Variants in JAKMIP3 observed in about 807,000 individuals in gnomAD.
The protein encoded by JAKMIP3 is Janus kinase and microtubule interacting protein 3, also known as janus kinase and microtubule-interacting protein 3.
Under a neutral mutation model 118.5 loss-of-function variants are expected in JAKMIP3, and 58 were observed. That is an observed-to-expected ratio of 0.49 (90% CI 0.40 to 0.61). The LOEUF is 0.61. JAKMIP3 is among the 20% of genes least tolerant of loss of function. The pLI, the probability that JAKMIP3 is intolerant of heterozygous loss-of-function variation, is 0.00. For missense variants in JAKMIP3, 950 were observed against 1,109.0 expected, an observed-to-expected ratio of 0.86 and a Z score of 2.04; for synonymous variants, 486 against 451.2, an observed-to-expected ratio of 1.08 and a Z score of -0.98.
In JAKMIP3 at chr10:132,118,918, GGCT is replaced by G. The variant is rs2048137652; in HGVS notation, c.633+1347_633+1349del. Among the ~76,000 whole-genome samples the G allele has an allele frequency of 6.6e-6, 1 of 152,182 alleles. No individual in the cohort carries two copies. The highest frequency in any genetic ancestry group is 1.5e-5 in the Non-Finnish European group (1 of 68,036). ...TCCCGGGAAGGTGGGAGGGACAGGT[GGCT>G]GCCTCTGCCCAGTGCCACACGACCC... On this transcript the variant is annotated intron_variant, in intron 3 of 23. Transcript: ENST00000684848. The surrounding 1 kb of genome is among the most constrained non-coding windows in gnomAD (Gnocchi z 4.8).
chr10:132,082,298 G>C (rs149098157), intron 1 of JAKMIP3, among the ~76,000 whole-genome samples: 16 of 151,748 alleles, frequency 1.1e-4, no homozygotes, highest in African/African-American at 3.9e-4. Flanking sequence ...ATTGTTTAGC[G>C]GTGATTTGTG....
chr10:132,180,784 C>T lies in JAKMIP3; in HGVS notation c.*1104-1573C>T, dbSNP rs199949791. On this transcript the variant is annotated intron_variant, in intron 23 of 23. Coordinates refer to ENST00000684848, the MANE Select transcript of JAKMIP3 (RefSeq NM_001323087.2). The stretch of plus-strand genomic sequence containing the variant: ...GCGTGTGTGTGCGTGTGTGTGTGTG[C>T]GCGTATGCATGTGCTGTGAGTGGTG... 3.6e-3 allele frequency among the ~76,000 whole-genome samples: 200 copies of T among 54,826 alleles called. 61 individuals are homozygous for T. The highest frequency in any genetic ancestry group is 6.7e-3 in the African/African-American group (91 of 13,636). The allele number at this position is 54,826 out of a possible 152,430, so 36.0% of individuals were successfully genotyped here.
chr10:132,057,017 G>C lies in JAKMIP3; in HGVS notation c.-138+20279G>C, dbSNP rs2038255640. ...CCCAGGGGTCTAGAATTCCACCCTG[G>C]GGGTGGCTCTCAGCCTATATCCCAC... is the stretch of plus-strand genomic sequence containing the variant. On this transcript the variant is annotated intron_variant, in intron 1 of 23. Coordinates refer to the JAKMIP3 transcript ENST00000657785. Among the ~76,000 whole-genome samples, 3 of 152,150 alleles carry C rather than the reference G, an allele frequency of 2.0e-5. No homozygotes were observed. In the South Asian group the frequency reaches 6.2e-4, roughly 32 times the overall value.
intron 16 of JAKMIP3, among the ~76,000 whole-genome samples, chr10:132,152,528 A>G (rs375279954): frequency 6.6e-6 from 1 of 152,184 alleles, no homozygotes; most frequent in Non-Finnish European, 1.5e-5. Flanking sequence ...AGCCATGAAC[A>G]TGTGGTCTCT....
chr10:132,173,339 A>C (rs1223293962), intron 23 of JAKMIP3, among the ~76,000 whole-genome samples: 1 of 149,584 alleles, frequency 6.7e-6, no homozygotes, highest in Non-Finnish European at 1.5e-5. Flanking sequence ...TGTTTGTGAC[A>C]CTGGCGGTAG....
In JAKMIP3 at chr10:132,129,661, C is replaced by T. The variant is rs371027015; in HGVS notation, c.634-3651C>T. Among the ~76,000 whole-genome samples, 2 of 152,210 alleles carry T rather than the reference C, an allele frequency of 1.3e-5. 1 individual carries two copies. Among genetic ancestry groups the T allele is most frequent in the South Asian group, 4.1e-4 (2 of 4,834 alleles). On this transcript the variant is annotated intron_variant, in intron 3 of 23. Coordinates refer to ENST00000684848, the MANE Select transcript of JAKMIP3 (RefSeq NM_001323087.2). Reference sequence around the variant, plus strand: ...CCCCGTGATGAGAGGCACTGATCTACAGGCTCAGGGATCTGCCTGTGGACA... The same window carrying T: ...CCCCGTGATGAGAGGCACTGATCTATAGGCTCAGGGATCTGCCTGTGGACA...
chr10:132,098,167 C>T (rs781080293), intron 1 of JAKMIP3, among the ~76,000 whole-genome samples: 4 of 151,772 alleles, frequency 2.6e-5, no homozygotes, highest in Admixed American at 1.3e-4. Context: ...TCCCAGGGAG[C>T]TGGGACCACA....
At chr10:132,120,311 G>C (rs2048341657) in intron 3 of JAKMIP3, among the ~76,000 whole-genome samples, 1 of 152,204 alleles carries the variant, frequency 6.6e-6, no homozygotes, top group African/African-American at 2.4e-5. Context: ...CTTGGGTCCT[G>C]CGGGGGAGGG....
Position 132,142,045 on chromosome 10 carries a change from T to TG in JAKMIP3, c.1599_1600insG (p.Lys534GlufsTer4). The TG allele has an allele frequency of 6.3e-7, 1 of 1,596,808 alleles. No individual in the cohort carries two copies. Among genetic ancestry groups the TG allele is most frequent in the East Asian group, 2.3e-5 (1 of 44,334 alleles). On this transcript the variant is annotated frameshift_variant, in exon 11 of 24. Transcript: ENST00000684848. LOFTEE classifies it high-confidence loss of function. ...GGACGCTGGACGCAGAGCGAGAAGT[T>TG]AAGGTCTACGTGACTTCCACCGCGC...
rs896588603 is a variant in JAKMIP3, at chr10:132,041,844, CTTTTCTTTCTT to C, written c.-138+5120_-138+5130del. Among the ~76,000 whole-genome samples the C allele has an allele frequency of 1.6e-4, 24 of 152,144 alleles. No homozygotes were observed. The East Asian group carries it at 3.3e-3, about 21-fold the overall frequency. On this transcript the variant is annotated intron_variant, in intron 1 of 23. Transcript: ENST00000657785. ...TGTGTTTCTTTTCTTTCTATCCTTT[CTTTTCTTTCTT>C]TTTTCTTTCTTTTCTTTTTTTTTTC...
At chr10:132,145,287 T>G in intron 12 of JAKMIP3, 97 bp downstream of exon 12, 1 of 1,098,598 alleles carries the variant, frequency 9.1e-7, no homozygotes, top group Non-Finnish European at 1.3e-6. Context: ...GATCATAACT[T>G]TCTACAGCCT....
At chr10:132,082,547 A>G (rs1325752749) in intron 1 of JAKMIP3, among the ~76,000 whole-genome samples, 1 of 152,084 alleles carries the variant, frequency 6.6e-6, no homozygotes, top group African/African-American at 2.4e-5. Flanking sequence ...GTTGCTGCGA[A>G]TGCCATTAAT....
At chr10:132,040,846 C>T (rs2037720445) in intron 1 of JAKMIP3, among the ~76,000 whole-genome samples, 1 of 152,118 alleles carries the variant, frequency 6.6e-6, no homozygotes, top group Non-Finnish European at 1.5e-5. Flanking sequence ...TGAGAGCTCC[C>T]ACTTCCTAGC....
chr10:132,138,090 T>C, intron 8 of JAKMIP3, 29 bp from the exon 9 acceptor site: 1 of 1,606,202 alleles, frequency 6.2e-7, no homozygotes, highest in Non-Finnish European at 8.5e-7. Flanking sequence ...CTCTACCACT[T>C]ACACAACCTC....
intron 19 of JAKMIP3, 89 bp downstream of exon 19, chr10:132,154,079 C>CA: frequency 8.3e-7 from 1 of 1,200,302 alleles, no homozygotes. Flanking sequence ...GCCTCAGGTG[C>CA]CCATGTGGGC....
chr10:132,036,954 A>AC (rs2037525207), intron 1 of JAKMIP3, among the ~76,000 whole-genome samples: 1 of 151,094 alleles, frequency 6.6e-6, no homozygotes, highest in Admixed American at 6.6e-5. Context: ...TCTCCACGGC[A>AC]CCCCCTGCCC....
In JAKMIP3 at chr10:132,163,559, C is replaced by G. The variant is rs1046799525; in HGVS notation, c.2424+147C>G. 51 of 696,148 alleles carry G rather than the reference C, an allele frequency of 7.3e-5. 1 individual carries two copies. The highest frequency in any genetic ancestry group is 1.2e-4 in the Non-Finnish European group (49 of 420,206). The allele number at this position is 696,148 out of a possible 1,614,324, so 43.1% of individuals were successfully genotyped here. On this transcript the variant is annotated intron_variant, in intron 20 of 23. Transcript: ENST00000684848. The stretch of plus-strand genomic sequence containing the variant: ...GGCCACACCCCTCATAACACACACT[C>G]TGATGGCTACACCCTGATGGCCATG...
intron 1 of JAKMIP3, among the ~76,000 whole-genome samples, chr10:132,085,467 G>A (rs1287585489): frequency 6.7e-6 from 1 of 149,890 alleles, no homozygotes; most frequent in Non-Finnish European, 1.5e-5. Context: ...TTCTTTTCTT[G>A]GTTAATCTTA....
chr10:132,139,117 T>C (rs1589916539), intron 9 of JAKMIP3, among the ~76,000 whole-genome samples: 1 of 151,568 alleles, frequency 6.6e-6, no homozygotes, highest in African/African-American at 2.4e-5. Context: ...TGTGTGTGTA[T>C]GCATCTGTGT....
Sources: allele counts gnomAD v4.1 joint callset (sites outside exome capture counted in the v4.1 genomes callset), GRCh38; gene constraint gnomAD v4.1.1; non-coding constraint Gnocchi (gnomAD v3.1); transcripts MANE v1.5; gene names NCBI Gene and HGNC (gene_info 2026-07-23, HGNC 2026-07-21).